TRIP12: variants seen among roughly 807,000 people sequenced by gnomAD.
TRIP12 encodes the protein thyroid hormone receptor interactor 12.
A neutral mutation model predicts 244.2 loss-of-function variants in TRIP12; 25 were observed. The observed-to-expected ratio is 0.10, with a 90% CI of 0.07 to 0.14. The LOEUF is 0.14. Among genes scored for constraint, TRIP12 ranks in the 10% least tolerant of loss-of-function variants. The pLI, the probability that TRIP12 is intolerant of heterozygous loss-of-function variation, is 1.00. For synonymous variants in TRIP12, 905 were observed against 873.1 expected (o/e 1.04, Z -0.64); for missense variants, 1,677 against 2,486.4 (o/e 0.67, Z 6.92).
chr2:229,901,999 A>C (rs1418159192), intron 1 of TRIP12, among the ~76,000 whole-genome samples: 1 of 152,208 alleles, frequency 6.6e-6, no homozygotes, highest in Non-Finnish European at 1.5e-5. Flanking sequence ...ATTTCTTTCA[A>C]ACTTCAAGAT....
intron 4 of TRIP12, among the ~76,000 whole-genome samples, chr2:229,855,684 T>C (rs947418554): frequency 6.6e-6 from 1 of 150,994 alleles, no homozygotes; most frequent in Non-Finnish European, 1.5e-5. Context: ...AAATCCTAAC[T>C]CTGCCAAGTA....
In TRIP12 at chr2:229,778,674, G is replaced by T; in HGVS notation, c.5210-87C>A. On this transcript the variant is annotated intron_variant, in intron 35 of 41. Coordinates refer to ENST00000675903, the MANE Select transcript of TRIP12 (RefSeq NM_001348323.3). The surrounding 1 kb of genome is among the most constrained non-coding windows in gnomAD (Gnocchi z 4.1). ...TAACTAAGAACATTTAAGAAATTAA[G>T]CATTCTCAAAATTGGAGTGCAGATC... 1 of 1,537,394 alleles carries T rather than the reference G, an allele frequency of 6.5e-7. No individual in the cohort carries two copies.
At position 229,802,245 on chromosome 2, in the gene TRIP12, T is replaced by C; in HGVS notation, c.3206+7A>G. 6.3e-7 allele frequency: 1 copy of C among 1,581,026 alleles called. No homozygotes were observed. The highest frequency in any genetic ancestry group is 8.6e-7 in the Non-Finnish European group (1 of 1,157,562). On this transcript the variant is annotated splice_region_variant and intron_variant, in intron 21 of 41. Transcript: ENST00000675903. Reference sequence around the variant, plus strand: ...GAAATAAAAATCACAACACAATTCTTACTTACCCTTGAGGGCTGAGATCTA... The same window carrying C: ...GAAATAAAAATCACAACACAATTCTCACTTACCCTTGAGGGCTGAGATCTA...
intron 2 of TRIP12, among the ~76,000 whole-genome samples, chr2:229,877,645 T>C (rs1255135938): frequency 6.6e-6 from 1 of 152,166 alleles, no homozygotes; most frequent in Non-Finnish European, 1.5e-5. Context: ...TAGCCCACAA[T>C]GATTGTCAGT....
intron 1 of TRIP12, among the ~76,000 whole-genome samples, chr2:229,885,962 T>C (rs982434280): frequency 5.3e-5 from 8 of 152,086 alleles, no homozygotes; most frequent in Non-Finnish European, 1.2e-4. Context: ...CTCAGAACCT[T>C]ACCTGAACAT....
intron 4 of TRIP12, among the ~76,000 whole-genome samples, chr2:229,846,217 T>C (rs752354088): frequency 4.6e-5 from 7 of 152,166 alleles, no homozygotes; most frequent in Admixed American, 4.6e-4. Flanking sequence ...TAAAATGCTA[T>C]CAAACAGCAT....
intron 36 of TRIP12, 66 bp from the exon 37 acceptor site, chr2:229,777,545 G>T: frequency 6.6e-7 from 1 of 1,518,072 alleles, no homozygotes. Flanking sequence ...TCCATCTAAG[G>T]CACTTCAGGA....
chr2:229,797,416 G>C (rs2043094917), intron 24 of TRIP12, among the ~76,000 whole-genome samples: 1 of 152,128 alleles, frequency 6.6e-6, no homozygotes, highest in South Asian at 2.1e-4. Context: ...GTGCTTGTGA[G>C]GACATTTCTG....
intron 38 of TRIP12, 91 bp downstream of exon 38, chr2:229,774,006 G>T: frequency 7.1e-7 from 1 of 1,400,612 alleles, no homozygotes; most frequent in Non-Finnish European, 9.8e-7. Context: ...AAGGTCTCAA[G>T]CCATAGCGTG....
intron 1 of TRIP12, among the ~76,000 whole-genome samples, chr2:229,908,583 T>C (rs541479114): frequency 4.0e-4 from 60 of 151,084 alleles, no homozygotes; most frequent in Non-Finnish European, 7.7e-4. Flanking sequence ...ATACAAAAAA[T>C]TAGCCGGGCG....
intron 26 of TRIP12, among the ~76,000 whole-genome samples, chr2:229,794,003 T>A (rs563169106): frequency 6.6e-6 from 1 of 152,204 alleles, no homozygotes; most frequent in Non-Finnish European, 1.5e-5. Context: ...ATATTCCATT[T>A]TATGAATATA....
At chr2:229,811,310 T>C (rs185668312) in intron 13 of TRIP12, 106 bp from the exon 14 acceptor site, 3 of 1,147,988 alleles carry the variant, frequency 2.6e-6, no homozygotes, top group Non-Finnish European at 2.5e-6. Flanking sequence ...CAAGGCAAGC[T>C]CAATTAGTAA....
At chr2:229,881,762 AT>A (rs756704647) in intron 1 of TRIP12, among the ~76,000 whole-genome samples, 19 of 152,194 alleles carry the variant, frequency 1.2e-4, no homozygotes, top group Non-Finnish European at 2.1e-4. Context: ...TGAAACTCTC[AT>A]TTGTGTGTAT....
In TRIP12 at chr2:229,829,259, G is replaced by A. The variant is rs747304846; in HGVS notation, c.1384C>T (p.His462Tyr). ...ALLEARGLPPHLFGPLGPRMS... is the reference protein window; with the variant it reads ...ALLEARGLPPYLFGPLGPRMS... ...CGAGGACCAAGAGGACCAAATAGGT[G>A]AGGGGGAAGACCCCTTGCCTCTAAC... Residue 462 changes from histidine to tyrosine, a missense_variant, in exon 8 of 42, where the codon CAC becomes TAC. By Grantham distance (83) the His-to-Tyr change is moderately conservative. Coordinates refer to ENST00000675903, the MANE Select transcript of TRIP12 (RefSeq NM_001348323.3). 8 of 1,613,788 alleles carry A rather than the reference G, an allele frequency of 5.0e-6. No homozygotes were observed.
chr2:229,873,363 A>C (rs2063027961), intron 2 of TRIP12, among the ~76,000 whole-genome samples: 1 of 152,236 alleles, frequency 6.6e-6, no homozygotes, highest in South Asian at 2.1e-4. Flanking sequence ...TTTGGAGCAT[A>C]AGCAAAAACA....
In TRIP12 at chr2:229,858,656, A is replaced by G; in HGVS notation, c.1027+116T>C. On this transcript the variant is annotated intron_variant, in intron 4 of 41. Transcript: ENST00000675903. ...TACTTAATTACACAGACAGTAATAC[A>G]TCTAAGATTATCTAAGACTGGGGGG... 5 of 852,764 alleles carry G rather than the reference A, an allele frequency of 5.9e-6. No homozygotes were observed. The South Asian group carries it at 7.5e-5, about 13-fold the overall frequency. 52.8% of individuals were successfully genotyped at this position (852,764 alleles called of 1,614,324 possible).
intron 13 of TRIP12, among the ~76,000 whole-genome samples, chr2:229,811,481 C>A (rs2047232658): frequency 6.6e-6 from 1 of 151,876 alleles, no homozygotes; most frequent in Admixed American, 6.6e-5. Context: ...CTTACACAAT[C>A]TCAATACCTA....
In TRIP12 at chr2:229,810,907, T is replaced by C; in HGVS notation, c.2194A>G (p.Thr732Ala). Residue 732 changes from threonine to alanine, a missense_variant, in exon 15 of 42, where the codon ACT (threonine) becomes GCT (alanine). Thr to Ala is a moderately conservative substitution (Grantham distance 58). Coordinates refer to ENST00000675903, the MANE Select transcript of TRIP12 (RefSeq NM_001348323.3). ...TGTTTCATAAGTTGAACAGCTAAAG[T>C]TGGACAGTTGGAACACATCAGAGAA... ...MFSLMCSNCP[T>A]LAVQLMKQNI... 6.2e-7 allele frequency: 1 copy of C among 1,613,882 alleles called. No homozygotes were observed. The highest frequency in any genetic ancestry group is 1.1e-5 in the South Asian group (1 of 90,950).
chr2:229,863,503 TGGC>T (rs1301774120), intron 2 of TRIP12, among the ~76,000 whole-genome samples: 4 of 152,098 alleles, frequency 2.6e-5, no homozygotes, highest in Non-Finnish European at 4.4e-5. Context: ...ACGAGCATGG[TGGC>T]TATACTTCAA....
Sources: gnomAD v4.1 joint callset for allele counts (sites outside exome capture counted in the v4.1 genomes callset) on GRCh38, gnomAD v4.1.1 for gene constraint, Gnocchi (gnomAD v3.1) non-coding constraint, MANE v1.5 for transcripts, NCBI Gene and HGNC (gene_info 2026-07-23, HGNC 2026-07-21) for gene names.